The following SPAG17 variants were observed in gnomAD, a reference collection of about 807,000 sequenced individuals.
SPAG17 encodes sperm associated antigen 17.
A neutral mutation model predicts 273.6 loss-of-function variants in SPAG17; 169 were observed. The observed-to-expected ratio is 0.62, with a 90% CI of 0.55 to 0.70. The LOEUF (loss-of-function observed/expected upper bound fraction) is 0.70. Ranked by LOEUF, SPAG17 falls within the 30% of genes least tolerant of loss-of-function variation. SPAG17 has a pLI of 0.00. For missense variants in SPAG17, 2,557 were observed against 2,627.8 expected (o/e 0.97, Z 0.59); for synonymous variants, 825 against 873.2 (o/e 0.94, Z 0.97).
At chr1:118,052,365 A>G (rs1557960560) in intron 20 of SPAG17, among the ~76,000 whole-genome samples, 1 of 151,744 alleles carries the variant, frequency 6.6e-6, no homozygotes, top group Non-Finnish European at 1.5e-5. Context: ...TCACAAAAAC[A>G]GAGAGTAGAA....
chr1:117,968,593 A>G (rs1386646620), intron 46 of SPAG17, among the ~76,000 whole-genome samples: 1 of 152,204 alleles, frequency 6.6e-6, no homozygotes, highest in Non-Finnish European at 1.5e-5. Flanking sequence ...AGGGGCTAAG[A>G]AATAATCTGG....
chr1:118,056,695 T>C lies in SPAG17; in HGVS notation c.2541-781A>G, dbSNP rs143947010. ...AAGGTTTTGAAAAAATAAAGCTAGATGGCTTATATACTCAGGTTGTTTAAT... is the reference window on the plus strand; with the variant it reads ...AAGGTTTTGAAAAAATAAAGCTAGACGGCTTATATACTCAGGTTGTTTAAT... On this transcript the variant is annotated intron_variant, in intron 18 of 48. Coordinates refer to ENST00000336338, the MANE Select transcript of SPAG17 (RefSeq NM_206996.4). Among the ~76,000 whole-genome samples the C allele has an allele frequency of 3.8e-3, 578 of 152,352 alleles. 3 individuals carry two copies. The highest frequency in any genetic ancestry group is 0.013 in the African/African-American group (545 of 41,596).
intron 10 of SPAG17, among the ~76,000 whole-genome samples, chr1:118,088,868 T>C (rs888485125): frequency 2.6e-5 from 4 of 152,060 alleles, no homozygotes; most frequent in African/African-American, 4.8e-5. Flanking sequence ...TCAATAATAA[T>C]TAAGGTAAAT....
Position 117,996,355 on chromosome 1 carries a change from G to C in SPAG17, c.5053+15C>G, listed in dbSNP as rs773116211. 1.9e-6 allele frequency: 3 copies of C among 1,608,636 alleles called. No individual in the cohort carries two copies. Among genetic ancestry groups the C allele is most frequent in the South Asian group, 2.2e-5 (2 of 90,358 alleles). ...AAAGAGACACCGTGCATTCCAGACA[G>C]TATGGGTCCTCTACCTGGCTGTTCC... On this transcript the variant is annotated intron_variant, in intron 34 of 48. Transcript: ENST00000336338.
chr1:118,021,881 C>T (rs1193721577), intron 28 of SPAG17, among the ~76,000 whole-genome samples: 9 of 152,000 alleles, frequency 5.9e-5, no homozygotes, highest in Non-Finnish European at 1.5e-5. Flanking sequence ...ACCCTTGAGC[C>T]GAGAAATTTG....
Position 118,054,069 on chromosome 1 carries a change from T to G in SPAG17, c.2747A>C (p.Glu916Ala). 1.2e-6 allele frequency: 2 copies of G among 1,605,430 alleles called. No homozygotes were observed. Among genetic ancestry groups the G allele is most frequent in the Non-Finnish European group, 1.7e-6 (2 of 1,174,988 alleles). ...SKSNKGISKT[E>A]ISDQEKEKEK... ...TTTTTCTTTTTCTTGATCTGATATC[T>G]CTGTTTTGCTGATTCCTTTGTTACC... Residue 916 changes from glutamate (E) to alanine (A), a missense_variant, in exon 20 of 49, where the codon GAG becomes GCG. Coordinates refer to ENST00000336338, the MANE Select transcript of SPAG17 (RefSeq NM_206996.4).
intron 40 of SPAG17, among the ~76,000 whole-genome samples, chr1:117,984,984 A>G (rs1656251718): frequency 6.6e-6 from 1 of 152,190 alleles, no homozygotes; most frequent in Admixed American, 6.5e-5. Context: ...TTCCTACTTC[A>G]AAAATCAGAC....
chr1:118,036,755 T>C lies in SPAG17; in HGVS notation c.3433+15A>G, dbSNP rs1649136094. ...CTGTGGGGCACACTTATCCTTGCTG[T>C]TGTGTTCATTTCACCTGGTGCCATT... is the stretch of plus-strand genomic sequence containing the variant. On this transcript the variant is annotated intron_variant, in intron 24 of 48. Coordinates refer to ENST00000336338, the MANE Select transcript of SPAG17 (RefSeq NM_206996.4). 1 of 1,525,938 alleles carries C rather than the reference T, an allele frequency of 6.6e-7. No individual in the cohort carries two copies. Among genetic ancestry groups the C allele is most frequent in the Non-Finnish European group, 8.9e-7 (1 of 1,123,694 alleles). The allele number at this position is 1,525,938 out of a possible 1,614,324, so 94.5% of individuals were successfully genotyped here.
intron 1 of SPAG17, among the ~76,000 whole-genome samples, chr1:118,161,995 C>T (rs898590077): frequency 6.6e-6 from 1 of 152,120 alleles, no homozygotes; most frequent in Non-Finnish European, 1.5e-5. Flanking sequence ...GAAACTGCTT[C>T]CCACTCATTC....
chr1:117,969,825 ACT>A (rs776382757), intron 46 of SPAG17, among the ~76,000 whole-genome samples: 6 of 152,058 alleles, frequency 3.9e-5, no homozygotes, highest in Non-Finnish European at 8.8e-5. Flanking sequence ...TGGCAGTTTA[ACT>A]CTGTTTATGC....
chr1:118,024,976 A>G (rs922285848), intron 27 of SPAG17, among the ~76,000 whole-genome samples: 1 of 152,174 alleles, frequency 6.6e-6, no homozygotes. Flanking sequence ...AATTAGTTTA[A>G]GATAGCTTGA....
intron 42 of SPAG17, among the ~76,000 whole-genome samples, chr1:117,981,845 T>C (rs1191993158): frequency 3.9e-5 from 6 of 152,194 alleles, no homozygotes; most frequent in African/African-American, 1.4e-4. Context: ...CTTTAAGAAA[T>C]AGGTACAATA....
At chr1:117,970,839 G>T (rs1450240117) in intron 45 of SPAG17, among the ~76,000 whole-genome samples, 17 of 152,142 alleles carry the variant, frequency 1.1e-4, no homozygotes, top group Admixed American at 9.8e-4. Context: ...GACAGGACCC[G>T]CACGAATGAG....
chr1:118,119,265 T>C (rs774971221), intron 3 of SPAG17, among the ~76,000 whole-genome samples: 2 of 152,228 alleles, frequency 1.3e-5, no homozygotes, highest in Non-Finnish European at 2.9e-5. Flanking sequence ...ATGAAGCAGC[T>C]TGAATCATTG....
At chr1:118,158,777 A>G (rs1457052055) in intron 1 of SPAG17, among the ~76,000 whole-genome samples, 1 of 152,134 alleles carries the variant, frequency 6.6e-6, no homozygotes, top group East Asian at 1.9e-4. Flanking sequence ...ACACACCCAG[A>G]GGCTTTAGTG....
At chr1:117,966,524 G>C in intron 47 of SPAG17, 85 bp downstream of exon 47, 2 of 1,200,708 alleles carry the variant, frequency 1.7e-6, no homozygotes, top group Non-Finnish European at 2.3e-6. Flanking sequence ...TAATAAAGTA[G>C]AGATGCATTT....
rs1558064560 is a variant in SPAG17, at chr1:118,178,123, C to CTA, written c.87+6946_87+6947dup. Among the ~76,000 whole-genome samples, 6 of 152,178 alleles carry CTA rather than the reference C, an allele frequency of 3.9e-5. No individual in the cohort carries two copies. The South Asian group carries it at 1.0e-3, about 26-fold the overall frequency. Reference sequence around the variant, plus strand: ...CATAAAGAAACAACAACGTAAAAGGCTATAGGTCAGTATCACTGATAAAGT... The same window carrying CTA: ...CATAAAGAAACAACAACGTAAAAGGCTATATAGGTCAGTATCACTGATAAAGT... On this transcript the variant is annotated intron_variant, in intron 1 of 48. Coordinates refer to ENST00000336338, the MANE Select transcript of SPAG17 (RefSeq NM_206996.4).
chr1:118,070,289 G>A (rs2102081685), intron 17 of SPAG17, among the ~76,000 whole-genome samples: 1 of 152,278 alleles, frequency 6.6e-6, no homozygotes, highest in Non-Finnish European at 1.5e-5. Context: ...CCCCATTTGT[G>A]TGCAGAAATA....
chr1:118,182,421 G>A (rs1570843486), intron 1 of SPAG17, among the ~76,000 whole-genome samples: 1 of 152,030 alleles, frequency 6.6e-6, no homozygotes, highest in East Asian at 1.9e-4. Flanking sequence ...ATGATACCAA[G>A]GCATCTTTGA....
Sources: gnomAD v4.1 joint callset for allele counts (sites outside exome capture counted in the v4.1 genomes callset) on GRCh38, gnomAD v4.1.1 for gene constraint, MANE v1.5 for transcripts, NCBI Gene and HGNC (gene_info 2026-07-23, HGNC 2026-07-21) for gene names.